Variants in SND1 observed in about 807,000 individuals in gnomAD.
The protein encoded by SND1 is staphylococcal nuclease and tudor domain containing 1.
SND1 carries 38 observed loss-of-function variants against 121.7 expected under a neutral mutation model. That is an observed-to-expected ratio of 0.31 (90% CI 0.24 to 0.41). The LOEUF is 0.41. SND1 is among the 10% of genes least tolerant of loss of function. The probability of loss-of-function intolerance (pLI) is 1.00; values close to 1 mark genes in which losing one functional copy is unlikely to be tolerated. For synonymous variants in SND1, 401 were observed against 447.4 expected (o/e 0.90, Z 1.31); for missense variants, 868 against 1,184.6 (o/e 0.73, Z 3.92).
At chr7:128,080,326 C>T (rs1028824451) in intron 17 of SND1, among the ~76,000 whole-genome samples, 5 of 152,202 alleles carry the variant, frequency 3.3e-5, no homozygotes, top group South Asian at 4.1e-4. Context: ...CACGCTGTCG[C>T]GTCAAATCAG....
chr7:127,727,137 G>A (rs1361308642), intron 10 of SND1, among the ~76,000 whole-genome samples: 1 of 152,152 alleles, frequency 6.6e-6, no homozygotes, highest in Non-Finnish European at 1.5e-5. Context: ...ATTCAGACCC[G>A]GGTGCTAAAG....
rs1414726948 is a variant in SND1 at position 128,029,485 on chromosome 7, G to A, written c.1779+38429G>A. 1.2e-6 allele frequency: 2 copies of A among 1,614,068 alleles called. No individual in the cohort carries two copies. Among genetic ancestry groups the A allele is most frequent in the African/African-American group, 2.7e-5 (2 of 74,932 alleles). On this transcript the variant is annotated intron_variant, in intron 16 of 23. Coordinates refer to ENST00000354725, the MANE Select transcript of SND1 (RefSeq NM_014390.4). The surrounding 1 kb of genome is among the most constrained non-coding windows in gnomAD (Gnocchi z 4.2). The stretch of plus-strand genomic sequence containing the variant: ...TGGCTGAGCACTGTCCCATTGGGCA[G>A]CAACCACTTCACGGAGGACATAGGG...
chr7:127,828,805 G>A (rs1798688349), intron 11 of SND1, among the ~76,000 whole-genome samples: 1 of 152,066 alleles, frequency 6.6e-6, no homozygotes, highest in African/African-American at 2.4e-5. Context: ...TTATCTCCTG[G>A]GCTAAAAGAC....
At chr7:127,681,397 A>G (rs1795724049) in intron 1 of SND1, among the ~76,000 whole-genome samples, 1 of 150,190 alleles carries the variant, frequency 6.7e-6, no homozygotes, top group Non-Finnish European at 1.5e-5. Flanking sequence ...TGTCAGATAT[A>G]TGAGATAAGA....
intron 16 of SND1, among the ~76,000 whole-genome samples, chr7:128,026,267 G>A (rs1803474833): frequency 6.6e-6 from 1 of 152,212 alleles, no homozygotes; most frequent in African/African-American, 2.4e-5. Context: ...AGAGGCAGGA[G>A]GAACGGATCT....
At chr7:127,673,078 G>A (rs1006404936) in intron 1 of SND1, among the ~76,000 whole-genome samples, 1 of 147,990 alleles carries the variant, frequency 6.8e-6, no homozygotes, top group Admixed American at 6.8e-5. Context: ...ATTTTAACCT[G>A]TTCATTATTT....
chr7:128,062,282 C>T (rs978567391), intron 16 of SND1, among the ~76,000 whole-genome samples: 3 of 152,182 alleles, frequency 2.0e-5, no homozygotes, highest in African/African-American at 7.2e-5. Context: ...CTGCTTGGCA[C>T]ATGGAGGCAG....
At chr7:127,753,884 C>G (rs999796175) in intron 10 of SND1, among the ~76,000 whole-genome samples, 3 of 152,124 alleles carry the variant, frequency 2.0e-5, no homozygotes, top group African/African-American at 7.2e-5. Flanking sequence ...AATACTACAC[C>G]CATCCAGATC....
At chr7:128,073,255 A>G (rs1793445145) in intron 16 of SND1, among the ~76,000 whole-genome samples, 1 of 152,172 alleles carries the variant, frequency 6.6e-6, no homozygotes, top group South Asian at 2.1e-4. Flanking sequence ...CTGGACCTAT[A>G]TGTTCTCCAT....
chr7:127,796,782 A>G (rs1306284163), intron 10 of SND1, among the ~76,000 whole-genome samples: 1 of 152,088 alleles, frequency 6.6e-6, no homozygotes, highest in Non-Finnish European at 1.5e-5. Flanking sequence ...GACTTGCCTT[A>G]ATTCGTACTA....
chr7:128,079,991 A>G (rs1793570012), intron 17 of SND1, among the ~76,000 whole-genome samples: 1 of 152,184 alleles, frequency 6.6e-6, no homozygotes, highest in Non-Finnish European at 1.5e-5. Flanking sequence ...CACTACTTCT[A>G]GCTGCAAGCC....
At chr7:127,987,869 C>T (rs183079813) in intron 15 of SND1, among the ~76,000 whole-genome samples, 26 of 141,554 alleles carry the variant, frequency 1.8e-4, no homozygotes, top group African/African-American at 3.7e-4. Context: ...TTTGTGGAAA[C>T]GTAATAATTG....
At chr7:127,655,613 A>G (rs1795196847) in intron 1 of SND1, among the ~76,000 whole-genome samples, 1 of 152,194 alleles carries the variant, frequency 6.6e-6, no homozygotes, top group Non-Finnish European at 1.5e-5. Context: ...ATCAAATCAG[A>G]TTTTATTTTC....
In SND1 at chr7:127,828,693, C is replaced by G. The variant is rs377687923; in HGVS notation, c.1243-15631C>G. On this transcript the variant is annotated intron_variant, in intron 11 of 23. Coordinates refer to ENST00000354725, the MANE Select transcript of SND1 (RefSeq NM_014390.4). ...GTCAAAATATTATTAAATATCATCACTGCTTTCTTGGGCTGGTCTTTTGAT... is the reference window on the plus strand; with the variant it reads ...GTCAAAATATTATTAAATATCATCAGTGCTTTCTTGGGCTGGTCTTTTGAT... Among the ~76,000 whole-genome samples, 17 of 152,300 alleles carry G rather than the reference C, an allele frequency of 1.1e-4. No individual in the cohort carries two copies. In the East Asian group the frequency reaches 1.7e-3, roughly 16 times the overall value.
intron 12 of SND1, among the ~76,000 whole-genome samples, chr7:127,864,711 C>A (rs1463470135): frequency 6.6e-6 from 1 of 152,154 alleles, no homozygotes; most frequent in Non-Finnish European, 1.5e-5. Context: ...ATTGAAGGCA[C>A]TTCCCTGCAC....
chr7:128,066,829 T>C (rs1308073350), intron 16 of SND1, among the ~76,000 whole-genome samples: 1 of 152,132 alleles, frequency 6.6e-6, no homozygotes, highest in Non-Finnish European at 1.5e-5. Context: ...AGGCTACCAC[T>C]GCATGGCAGG....
chr7:127,892,405 A>C (rs1040920596), intron 13 of SND1, among the ~76,000 whole-genome samples: 6 of 152,120 alleles, frequency 3.9e-5, no homozygotes, highest in Non-Finnish European at 8.8e-5. Context: ...ACCTGCCTGC[A>C]TAGAAACAAA....
intron 10 of SND1, among the ~76,000 whole-genome samples, chr7:127,754,771 C>T (rs1236783357): frequency 3.3e-5 from 5 of 152,144 alleles, no homozygotes; most frequent in Non-Finnish European, 5.9e-5. Context: ...TGATGGTTGG[C>T]CAGATTTATG....
chr7:127,756,248 C>G (rs1436999754), intron 10 of SND1, among the ~76,000 whole-genome samples: 1 of 152,000 alleles, frequency 6.6e-6, no homozygotes, highest in Non-Finnish European at 1.5e-5. Context: ...AGTTTGCGGC[C>G]TTTGATCTGT....
Sources: gnomAD v4.1 joint callset for allele counts (sites outside exome capture counted in the v4.1 genomes callset) on GRCh38, gnomAD v4.1.1 for gene constraint, Gnocchi (gnomAD v3.1) non-coding constraint, MANE v1.5 for transcripts, NCBI Gene and HGNC (gene_info 2026-07-23, HGNC 2026-07-21) for gene names.